ATP2A3: variants seen among roughly 807,000 people sequenced by gnomAD.
The protein encoded by ATP2A3 is ATPase sarcoplasmic/endoplasmic reticulum Ca2+ transporting 3.
A neutral mutation model predicts 106.8 loss-of-function variants in ATP2A3; 61 were observed. The observed-to-expected ratio is 0.57, with a 90% CI of 0.46 to 0.71. The LOEUF (loss-of-function observed/expected upper bound fraction) is 0.71. Among genes scored for constraint, ATP2A3 ranks in the 30% least tolerant of loss-of-function variants. The pLI is 0.00. For missense variants in ATP2A3, 1,201 were observed against 1,423.5 expected (o/e 0.84, Z 2.52); for synonymous variants, 611 against 609.3 (o/e 1.00, Z -0.04).
Position 3,935,272 on chromosome 17 carries a change from C to T in ATP2A3, c.2530G>A (p.Val844Ile), listed in dbSNP as rs2053369445. The change falls in exon 17 of 21, where the codon GTA (valine) becomes ATA (isoleucine). Residue 844 changes from valine to isoleucine, a missense_variant. By Grantham distance (29) the Val-to-Ile change is conservative. Coordinates refer to ENST00000397041, the MANE Select transcript of ATP2A3 (RefSeq NM_005173.4). ...GCGGCAGCCACTGTGGCCAGGCCTA[C>T]GTACACTGCGGGGAAGGGAGGAGAC... ...FFRYLAIGVYVGLATVAAATW... is the reference protein window; with the variant it reads ...FFRYLAIGVYIGLATVAAATW... 5.6e-6 allele frequency: 9 copies of T among 1,613,568 alleles called. No homozygotes were observed. Among genetic ancestry groups the T allele is most frequent in the Non-Finnish European group, 6.8e-6 (8 of 1,179,950 alleles).
At position 3,947,018 on chromosome 17, in the gene ATP2A3, G is replaced by A. The variant is rs1327426530; in HGVS notation, c.1095+373C>T. On this transcript the variant is annotated intron_variant, in intron 8 of 20. Transcript: ENST00000397041. The surrounding 1 kb of genome is among the most constrained non-coding windows in gnomAD (Gnocchi z 7.7). ...ACTGCACAGAGTCATGATGGGGCAGGATGGAACCCGGATCCAGGCCCAGCT... is the reference window on the plus strand; with the variant it reads ...ACTGCACAGAGTCATGATGGGGCAGAATGGAACCCGGATCCAGGCCCAGCT... Among the ~76,000 whole-genome samples, 1 of 152,226 alleles carries A rather than the reference G, an allele frequency of 6.6e-6. No individual in the cohort carries two copies. The highest frequency in any genetic ancestry group is 1.5e-5 in the Non-Finnish European group (1 of 68,044).
chr17:3,941,291 C>G lies in ATP2A3; in HGVS notation c.1780G>C (p.Val594Leu), dbSNP rs745362732. Residue 594 changes from valine (V) to leucine (L), a missense_variant, in exon 14 of 21, where the codon GTG becomes CTG. Transcript: ENST00000397041. ...FVQYETDLTF[V>L]GCVGMLDPPR... ...GGGTCCAGCATGCCTACGCAGCCCACGAAGGTCAGGTCCGTCTGTAGGGAG... is the reference window on the plus strand; with the variant it reads ...GGGTCCAGCATGCCTACGCAGCCCAGGAAGGTCAGGTCCGTCTGTAGGGAG... The G allele has an allele frequency of 1.2e-6, 2 of 1,613,606 alleles. No individual in the cohort carries two copies. Among genetic ancestry groups the G allele is most frequent in the African/African-American group, 2.7e-5 (2 of 74,940 alleles).
At position 3,945,186 on chromosome 17, in the gene ATP2A3, G is replaced by C. The variant is rs375894753; in HGVS notation, c.1096-38C>G. The C allele has an allele frequency of 1.2e-3, 1,817 of 1,529,954 alleles. 26 individuals are homozygous for C. The East Asian group carries it at 0.031, about 26-fold the overall frequency. The allele number at this position is 1,529,954 out of a possible 1,614,324, so 94.8% of individuals were successfully genotyped here. On this transcript the variant is annotated intron_variant, in intron 8 of 20. Transcript: ENST00000397041. ...GGGGCGTGCTTAGGCGGGCGGGGTC[G>C]CCTCCCTCCTCCCCGGGCGGCCAGT...
intron 14 of ATP2A3, among the ~76,000 whole-genome samples, chr17:3,939,702 G>A (rs990521771): frequency 7.0e-6 from 1 of 142,964 alleles, no homozygotes; most frequent in African/African-American, 2.6e-5. Flanking sequence ...CAGGAGAATC[G>A]CTTGAACCTG....
rs1485353370 is a variant in ATP2A3, at chr17:3,927,914, G to A, written c.2980+749C>T. On this transcript the variant is annotated intron_variant, in intron 20 of 20. Transcript: ENST00000397041. Reference sequence around the variant, plus strand: ...TCAGCCACTGCCCAGCCCAACCTAGGCCCCTGCACAGCAGTCCAGCCATAC... The same window carrying A: ...TCAGCCACTGCCCAGCCCAACCTAGACCCCTGCACAGCAGTCCAGCCATAC... 14 of 1,605,374 alleles carry A rather than the reference G, an allele frequency of 8.7e-6. No homozygotes were observed. In the South Asian group the frequency reaches 1.3e-4, roughly 15 times the overall value.
At chr17:3,952,745 G>A (rs567595475) in intron 3 of ATP2A3, among the ~76,000 whole-genome samples, 149 of 152,194 alleles carry the variant, frequency 9.8e-4, no homozygotes, top group African/African-American at 3.0e-3. Flanking sequence ...CTGCACCACC[G>A]CACTCGGCTA....
intron 1 of ATP2A3, among the ~76,000 whole-genome samples, chr17:3,959,811 G>A (rs2055040033): frequency 1.3e-5 from 2 of 152,246 alleles, no homozygotes; most frequent in Non-Finnish European, 2.9e-5. Flanking sequence ...GGCCTTGGAA[G>A]TAGCTCTCCG....
In ATP2A3 at chr17:3,924,532, G is replaced by A; in HGVS notation, c.*890C>T. ...CGGCCGCACACTGGGCTGGGTAGAA[G>A]GGCGCCACGGTCAGGAACCTGAGGA... On this transcript the variant is annotated 3_prime_UTR_variant, in exon 21 of 21. Transcript: ENST00000397041. The surrounding 1 kb of genome is among the most constrained non-coding windows in gnomAD (Gnocchi z 6.4). 1 of 343,798 alleles carries A rather than the reference G, an allele frequency of 2.9e-6. No individual in the cohort carries two copies. The highest frequency in any genetic ancestry group is 2.2e-5 in the South Asian group (1 of 46,484). The allele number at this position is 343,798 out of a possible 1,614,324, so 21.3% of individuals were successfully genotyped here. A position where few individuals can be genotyped will look rare whatever the true frequency, so the allele number is the denominator to read the frequency against.
chr17:3,931,653 C>G (rs927873596), intron 17 of ATP2A3, among the ~76,000 whole-genome samples: 1 of 151,944 alleles, frequency 6.6e-6, no homozygotes, highest in African/African-American at 2.4e-5. Context: ...TCCCAAGTAG[C>G]TGGGACTACA....
rs1011158596 is a variant in ATP2A3 at position 3,930,335 on chromosome 17, G to C, written c.2710C>G (p.Leu904Val). The C allele has an allele frequency of 6.2e-7, 1 of 1,610,730 alleles. No homozygotes were observed. The highest frequency in any genetic ancestry group is 8.5e-7 in the Non-Finnish European group (1 of 1,178,530). ...RFPTTMALSV[L>V]VTIEMCNALN... ...GCATTGCACATTTCAATGGTCACGA[G>C]CACGGACAAGGCCATGGTGGTGGGG... Residue 904 changes from leucine to valine, a missense_variant, in exon 18 of 21, where the codon CTC becomes GTC. Physicochemically the swap from Leu to Val is conservative, Grantham distance 32. Coordinates refer to ENST00000397041, the MANE Select transcript of ATP2A3 (RefSeq NM_005173.4). This position sits in a 1 kb window ranked among gnomAD's most constrained non-coding sequence, Gnocchi z 5.4.
At chr17:3,959,410 T>C (rs957309730) in intron 1 of ATP2A3, among the ~76,000 whole-genome samples, 1 of 152,190 alleles carries the variant, frequency 6.6e-6, no homozygotes, top group African/African-American at 2.4e-5. Context: ...CCTGTGTTTA[T>C]GCTGAGTCCT....
Position 3,925,347 on chromosome 17 carries a change from G to A in ATP2A3, c.*75C>T. 1 of 1,612,720 alleles carries A rather than the reference G, an allele frequency of 6.2e-7. No individual in the cohort carries two copies. The highest frequency in any genetic ancestry group is 8.5e-7 in the Non-Finnish European group (1 of 1,179,374). Reference sequence around the variant, plus strand: ...CAAGTGGGCGAGTGTGGTGGCAAGGGTGGGGGGCGGAGGCGAACACATGGG... The same window carrying A: ...CAAGTGGGCGAGTGTGGTGGCAAGGATGGGGGGCGGAGGCGAACACATGGG... On this transcript the variant is annotated 3_prime_UTR_variant, in exon 21 of 21. Coordinates refer to ENST00000397041, the MANE Select transcript of ATP2A3 (RefSeq NM_005173.4). This position sits in a 1 kb window ranked among gnomAD's most constrained non-coding sequence, Gnocchi z 4.2.
At position 3,930,331 on chromosome 17, in the gene ATP2A3, A is replaced by T. The variant is rs757204092; in HGVS notation, c.2714T>A (p.Val905Glu). The T allele has an allele frequency of 6.2e-7, 1 of 1,608,988 alleles. No homozygotes were observed. Among genetic ancestry groups the T allele is most frequent in the Non-Finnish European group, 8.5e-7 (1 of 1,177,812 alleles). Residue 905 changes from valine to glutamate, a missense_variant, in exon 18 of 21, where the codon GTG (valine) becomes GAG (glutamate). By Grantham distance (121) the Val-to-Glu change is moderately radical. This residue lies in a region of ATP2A3 where 935 missense variants were observed against 1,176.7 expected (regional missense o/e 0.79). Coordinates refer to ENST00000397041, the MANE Select transcript of ATP2A3 (RefSeq NM_005173.4). The surrounding 1 kb of genome is among the most constrained non-coding windows in gnomAD (Gnocchi z 5.4). ...FPTTMALSVL[V>E]TIEMCNALNS... ...GAGGGCATTGCACATTTCAATGGTC[A>T]CGAGCACGGACAAGGCCATGGTGGT...
Position 3,924,667 on chromosome 17 carries a change from T to TGA in ATP2A3, c.*753_*754dup, listed in dbSNP as rs1298020033. On this transcript the variant is annotated 3_prime_UTR_variant, in exon 21 of 21. Transcript: ENST00000397041. The surrounding 1 kb of genome is among the most constrained non-coding windows in gnomAD (Gnocchi z 6.4). Reference sequence around the variant, plus strand: ...CTCCCGAGCTCAGGACGGGGAACCCTGAGTCCAGGAGGCGCGCGGGGCTGA... The same window carrying TGA: ...CTCCCGAGCTCAGGACGGGGAACCCTGAGAGTCCAGGAGGCGCGCGGGGCTGA... 2 of 438,010 alleles carry TGA rather than the reference T, an allele frequency of 4.6e-6. No individual in the cohort carries two copies. Among genetic ancestry groups the TGA allele is most frequent in the East Asian group, 1.4e-4 (2 of 14,232 alleles). The allele number at this position is 438,010 out of a possible 1,614,324, so 27.1% of individuals were successfully genotyped here. A position where few individuals can be genotyped will look rare whatever the true frequency, so the allele number is the denominator to read the frequency against.
intron 20 of ATP2A3, chr17:3,927,428 C>T (rs1345332297): frequency 1.0e-6 from 1 of 985,330 alleles, no homozygotes; most frequent in Non-Finnish European, 1.2e-6. Context: ...AGAGGCCTGG[C>T]TCTGCAGGTG....
Position 3,951,652 on chromosome 17 carries a change from T to A in ATP2A3, c.253A>T (p.Thr85Ser). 1 of 1,590,564 alleles carries A rather than the reference T, an allele frequency of 6.3e-7. No homozygotes were observed. Among genetic ancestry groups the A allele is most frequent in the South Asian group, 1.1e-5 (1 of 90,244 alleles). The change falls in exon 4 of 21, where the codon ACG becomes TCG. Residue 85 changes from threonine to serine, a missense_variant. By Grantham distance (58) the Thr-to-Ser change is moderately conservative. Around this residue, in one of 2 missense-constraint regions of ATP2A3, gnomAD observed 266 missense variants for 246.8 expected, o/e 1.08. Transcript: ENST00000397041. ...ACCAGGGGCTCCACGAAGGCGGTCG[T>A]GGTCTCCTCGCCCTCCTCGAACCAG... is the stretch of plus-strand genomic sequence containing the variant. ...LAWFEEGEETTTAFVEPLVIM... is the reference protein window; with the variant it reads ...LAWFEEGEETSTAFVEPLVIM...
Position 3,925,361 on chromosome 17 carries a change from C to T in ATP2A3, c.*61G>A, listed in dbSNP as rs202192622. On this transcript the variant is annotated 3_prime_UTR_variant, in exon 21 of 21. Transcript: ENST00000397041. The surrounding 1 kb of genome is among the most constrained non-coding windows in gnomAD (Gnocchi z 4.2). ...TGGTGGCAAGGGTGGGGGGCGGAGG[C>T]GAACACATGGGCACCATCAGTCTGA... 44 of 1,613,412 alleles carry T rather than the reference C, an allele frequency of 2.7e-5. No individual in the cohort carries two copies. Among genetic ancestry groups the T allele is most frequent in the Middle Eastern group, 1.7e-4 (1 of 6,054 alleles).
rs758870277 is a variant in ATP2A3, at chr17:3,937,623, A to G, written c.2114T>C (p.Val705Ala). The change falls in exon 15 of 21, where the codon GTG (valine) becomes GCG (alanine). Residue 705 changes from valine (V) to alanine (A), a missense_variant. Val to Ala is a moderately conservative substitution (Grantham distance 64). Transcript: ENST00000397041. Reference sequence around the variant, plus strand: ...TTTCTTCAGGGCTGGTGCGTCGTTCACTCCATCGCCAGTCTGTGGGCCAGG... The same window carrying G: ...TTTCTTCAGGGCTGGTGCGTCGTTCGCTCCATCGCCAGTCTGTGGGCCAGG... The part of the protein sequence containing the change: ...NEITAMTGDG[V>A]NDAPALKKAE... The G allele has an allele frequency of 3.7e-6, 6 of 1,613,462 alleles. No individual in the cohort carries two copies. The highest frequency in any genetic ancestry group is 5.1e-6 in the Non-Finnish European group (6 of 1,179,846).
intron 9 of ATP2A3, 102 bp downstream of exon 9, chr17:3,944,958 T>C: frequency 7.7e-7 from 1 of 1,295,432 alleles, no homozygotes; most frequent in South Asian, 1.7e-5. Context: ...AGGCTCCGCC[T>C]CCTGGCCCGC....
Sources: allele counts gnomAD v4.1 joint callset (sites outside exome capture counted in the v4.1 genomes callset), GRCh38; gene constraint gnomAD v4.1.1; regional missense constraint gnomAD v4.1.1; non-coding constraint Gnocchi (gnomAD v3.1); transcripts MANE v1.5; gene names NCBI Gene and HGNC (gene_info 2026-07-23, HGNC 2026-07-21).